CTNNA3: variants seen among roughly 807,000 people sequenced by gnomAD.
The protein encoded by CTNNA3 is catenin alpha 3, also known as catenin alpha-3.
In CTNNA3, 76 loss-of-function variants were observed where a neutral mutation model predicts 95.7. The observed-to-expected ratio is 0.79, with a 90% CI of 0.66 to 0.96. The LOEUF is 0.96. CTNNA3 is among the 40% of genes least tolerant of loss of function. The probability of loss-of-function intolerance (pLI) is 0.00; values close to 1 mark genes in which losing one functional copy is unlikely to be tolerated. For missense variants in CTNNA3, 1,191 were observed against 1,089.8 expected, an observed-to-expected ratio of 1.09 and a Z score of -1.31; for synonymous variants, 431 against 374.4, an observed-to-expected ratio of 1.15 and a Z score of -1.74.
At chr10:66,496,902 A>C (rs80161611) in intron 11 of CTNNA3, among the ~76,000 whole-genome samples, 2,331 of 152,224 alleles carry the variant, frequency 0.015, 35 homozygotes, top group East Asian at 0.067. Flanking sequence ...GTCTGAGATT[A>C]AGGTGTTGAA....
At chr10:67,030,920 C>T (rs1376954198) in intron 7 of CTNNA3, among the ~76,000 whole-genome samples, 1 of 152,162 alleles carries the variant, frequency 6.6e-6, no homozygotes, top group African/African-American at 2.4e-5. Flanking sequence ...AGGAGAATTG[C>T]TTGAACCCGA....
chr10:66,695,519 A>G (rs1395276366), intron 9 of CTNNA3, among the ~76,000 whole-genome samples: 1 of 152,198 alleles, frequency 6.6e-6, no homozygotes, highest in Admixed American at 6.5e-5. Context: ...AATGTGTAGA[A>G]TCTATTATTA....
At chr10:66,386,338 A>G (rs1204049503) in intron 11 of CTNNA3, among the ~76,000 whole-genome samples, 1 of 152,208 alleles carries the variant, frequency 6.6e-6, no homozygotes, top group African/African-American at 2.4e-5. Flanking sequence ...GTGAACTCCC[A>G]TTCACAATTG....
chr10:66,947,029 C>T (rs1460680572), intron 7 of CTNNA3, among the ~76,000 whole-genome samples: 1 of 152,030 alleles, frequency 6.6e-6, no homozygotes, highest in African/African-American at 2.4e-5. Flanking sequence ...TTTAAGTTGC[C>T]CTTGTTTTCA....
At chr10:67,143,981 G>A (rs767536175) in intron 7 of CTNNA3, among the ~76,000 whole-genome samples, 1 of 152,154 alleles carries the variant, frequency 6.6e-6, no homozygotes, top group African/African-American at 2.4e-5. Context: ...AGCGAGTATC[G>A]CCTTACAAAA....
chr10:66,526,579 C>T lies in CTNNA3; in HGVS notation c.1375-5806G>A, dbSNP rs902411493. Among the ~76,000 whole-genome samples, 2 of 152,106 alleles carry T rather than the reference C, an allele frequency of 1.3e-5. 1 individual carries two copies. Among genetic ancestry groups the T allele is most frequent in the Non-Finnish European group, 2.9e-5 (2 of 68,012 alleles). On this transcript the variant is annotated intron_variant, in intron 10 of 17. Transcript: ENST00000433211. ...TCATATCTGCAATGCCCAAGAGTTC[C>T]TATTTTTTCATATCCTGGCCAAAAC...
rs138342605 is a variant in CTNNA3, at chr10:67,088,387, AT to A, written c.1047+91929del. Among the ~76,000 whole-genome samples, 338 of 151,992 alleles carry A rather than the reference AT, an allele frequency of 2.2e-3. 1 individual carries two copies. The highest frequency in any genetic ancestry group is 7.7e-3 in the African/African-American group (320 of 41,498). On this transcript the variant is annotated intron_variant, in intron 7 of 17. Transcript: ENST00000433211. ...CAATGCATATAGCCAATCCATATTT[AT>A]TTTTTCTTGCAAAACTGAAACAAAA...
chr10:67,308,746 C>A (rs972780472), intron 5 of CTNNA3, among the ~76,000 whole-genome samples: 1 of 151,970 alleles, frequency 6.6e-6, no homozygotes, highest in Admixed American at 6.6e-5. Context: ...ACTTAGAGAC[C>A]CAGTTAATCA....
chr10:66,946,194 C>A (rs1353119856), intron 7 of CTNNA3, among the ~76,000 whole-genome samples: 1 of 152,048 alleles, frequency 6.6e-6, no homozygotes, highest in African/African-American at 2.4e-5. Flanking sequence ...GGTGTGCCTG[C>A]ACTCTGTTGG....
At chr10:66,866,145 T>C (rs1388596153) in intron 7 of CTNNA3, among the ~76,000 whole-genome samples, 3 of 152,182 alleles carry the variant, frequency 2.0e-5, no homozygotes, top group Non-Finnish European at 4.4e-5. Context: ...GTCACAAAGC[T>C]AGTTCAGTTA....
At chr10:66,629,065 C>A (rs1164191950) in intron 9 of CTNNA3, among the ~76,000 whole-genome samples, 3 of 151,868 alleles carry the variant, frequency 2.0e-5, no homozygotes, top group African/African-American at 7.3e-5. Context: ...AGAAAGGTTG[C>A]CCACAATACT....
intron 15 of CTNNA3, among the ~76,000 whole-genome samples, chr10:66,054,431 GAGGTGACCTCA>G (rs1293939374): frequency 6.6e-6 from 1 of 152,170 alleles, no homozygotes; most frequent in Non-Finnish European, 1.5e-5. Context: ...TAACTGGGGT[GAGGTGACCTCA>G]AGGTAGTTTT....
chr10:67,070,678 C>T (rs915241697), intron 7 of CTNNA3, among the ~76,000 whole-genome samples: 18 of 151,576 alleles, frequency 1.2e-4, no homozygotes, highest in Middle Eastern at 3.4e-3. Context: ...ACCCGGGAGG[C>T]GGAGGTTGCA....
intron 9 of CTNNA3, among the ~76,000 whole-genome samples, chr10:66,693,744 A>C (rs12260621): frequency 0.18 from 27,055 of 152,014 alleles, 3,049 homozygotes; most frequent in East Asian, 0.33. Context: ...AAAAGAACAT[A>C]AATTATAACA....
At chr10:67,508,849 A>G (rs1839512037) in intron 5 of CTNNA3, among the ~76,000 whole-genome samples, 1 of 151,714 alleles carries the variant, frequency 6.6e-6, no homozygotes, top group African/African-American at 2.4e-5. Context: ...AAATAACCTA[A>G]TTAAAAATGA....
intron 7 of CTNNA3, among the ~76,000 whole-genome samples, chr10:67,092,700 C>T (rs143084189): frequency 2.1e-4 from 32 of 151,870 alleles, no homozygotes; most frequent in South Asian, 1.0e-3. Flanking sequence ...GGGAAAAAGA[C>T]CATTAGTAAT....
intron 10 of CTNNA3, among the ~76,000 whole-genome samples, chr10:66,526,510 G>T (rs569248600): frequency 6.6e-6 from 1 of 152,212 alleles, no homozygotes; most frequent in South Asian, 2.1e-4. Context: ...TTTAATTTAT[G>T]AAATGGCCAC....
At chr10:66,696,010 TA>T (rs1389857929) in intron 9 of CTNNA3, among the ~76,000 whole-genome samples, 1 of 151,978 alleles carries the variant, frequency 6.6e-6, no homozygotes, top group Non-Finnish European at 1.5e-5. Flanking sequence ...TTCAAGTCAT[TA>T]AGGAGTTGGT....
intron 11 of CTNNA3, among the ~76,000 whole-genome samples, chr10:66,386,193 A>G (rs571866265): frequency 6.6e-6 from 1 of 152,214 alleles, no homozygotes; most frequent in South Asian, 2.1e-4. Flanking sequence ...CTTTTAGAAA[A>G]CCCCATCATA....
Sources: allele counts gnomAD v4.1 joint callset (sites outside exome capture counted in the v4.1 genomes callset), GRCh38; gene constraint gnomAD v4.1.1; transcripts MANE v1.5; gene names NCBI Gene and HGNC (gene_info 2026-07-23, HGNC 2026-07-21).